Variants in FCRL6 observed in about 807,000 individuals in gnomAD.
FCRL6 encodes Fc receptor like 6.
In FCRL6, 50 loss-of-function variants were observed where a neutral mutation model predicts 49.1. The observed-to-expected ratio is 1.02, with a 90% CI of 0.81 to 1.29. The LOEUF is 1.29. Among genes scored for constraint, FCRL6 ranks in the 50% most tolerant of loss-of-function variants. FCRL6 has a pLI of 0.00. For missense variants in FCRL6, 571 were observed against 518.5 expected (o/e 1.10, Z -0.98); for synonymous variants, 213 against 199.6 (o/e 1.07, Z -0.57).
In FCRL6 at chr1:159,810,092, A is replaced by G; in HGVS notation, c.887-2A>G. The stretch of plus-strand genomic sequence containing the variant: ...TGGCCACCTTCTTCTCCCTGCTCCC[A>G]GGTTCTCAAGTCTTGTTCACTCCCG... On this transcript the variant is annotated splice_acceptor_variant, in intron 5 of 9. Transcript: ENST00000368106. LOFTEE classifies it high-confidence loss of function. 3.7e-6 allele frequency: 6 copies of G among 1,610,382 alleles called. No individual in the cohort carries two copies. Among genetic ancestry groups the G allele is most frequent in the Non-Finnish European group, 5.1e-6 (6 of 1,178,768 alleles).
intron 6 of FCRL6, 53 bp downstream of exon 6, chr1:159,810,269 G>T: frequency 6.4e-7 from 1 of 1,563,834 alleles, no homozygotes; most frequent in Non-Finnish European, 8.7e-7. Flanking sequence ...GCCAGGCCCT[G>T]CCCAGACTTT....
At chr1:159,800,608 C>A, upstream of FCRL6, 1 of 1,550,158 alleles carries the variant, frequency 6.5e-7, no homozygotes, top group Non-Finnish European at 8.7e-7. Context: ...ATGTTGCCAT[C>A]TTTAGGTGAG....
Position 159,808,786 on chromosome 1 carries a change from G to T in FCRL6, c.320-175G>T, listed in dbSNP as rs1037152637. 9 of 663,756 alleles carry T rather than the reference G, an allele frequency of 1.4e-5. No individual in the cohort carries two copies. In the Admixed American group the frequency reaches 2.7e-4, roughly 20 times the overall value. The allele number at this position is 663,756 out of a possible 1,614,324, so 41.1% of individuals were successfully genotyped here. Reference sequence around the variant, plus strand: ...AGATTCCAGAAGGGCCTGGCTATGTGGGAGTCATTTCAGAGTTTGTGGGTG... The same window carrying T: ...AGATTCCAGAAGGGCCTGGCTATGTTGGAGTCATTTCAGAGTTTGTGGGTG... On this transcript the variant is annotated intron_variant, in intron 3 of 9. Coordinates refer to ENST00000368106, the MANE Select transcript of FCRL6 (RefSeq NM_001004310.3).
At chr1:159,808,733 C>T (rs6692290) in intron 3 of FCRL6, 126,579 of 605,906 alleles carry the variant, frequency 0.21, 15,522 homozygotes, top group African/African-American at 0.46. Flanking sequence ...TAGAGGACTT[C>T]GAAGGCCCCC....
chr1:159,805,556 G>T (rs1323109283), intron 1 of FCRL6, among the ~76,000 whole-genome samples: 1 of 152,118 alleles, frequency 6.6e-6, no homozygotes, highest in Non-Finnish European at 1.5e-5. Context: ...GTCTTCCATT[G>T]TTTGGGCTAT....
chr1:159,804,838 G>A (rs1662575177), intron 1 of FCRL6, among the ~76,000 whole-genome samples: 1 of 152,198 alleles, frequency 6.6e-6, no homozygotes, highest in African/African-American at 2.4e-5. Flanking sequence ...GTGGGGAAGG[G>A]AAGGAAGACA....
At chr1:159,810,753 A>G (rs1453361306) in intron 6 of FCRL6, among the ~76,000 whole-genome samples, 4 of 152,202 alleles carry the variant, frequency 2.6e-5, no homozygotes, top group African/African-American at 9.7e-5. Context: ...ATCAGAAAGG[A>G]AATATGATAG....
intron 1 of FCRL6, 113 bp from the exon 2 acceptor site, chr1:159,806,483 G>T: frequency 1.1e-6 from 1 of 911,638 alleles, no homozygotes; most frequent in South Asian, 1.3e-5. Context: ...GAGGTTTGGT[G>T]GCCGGGTGGT....
chr1:159,810,226 T>C lies in FCRL6; in HGVS notation c.1009+10T>C, dbSNP rs1663013880. 6.2e-7 allele frequency: 1 copy of C among 1,608,328 alleles called. No homozygotes were observed. Among genetic ancestry groups the C allele is most frequent in the South Asian group, 1.1e-5 (1 of 90,276 alleles). The stretch of plus-strand genomic sequence containing the variant: ...TCCTGGAGAAAAGCTGGTCAGTAAC[T>C]CCTCTTGGCTTTCTTAGCTGCTGAA... On this transcript the variant is annotated intron_variant, in intron 6 of 9. Coordinates refer to ENST00000368106, the MANE Select transcript of FCRL6 (RefSeq NM_001004310.3).
At chr1:159,808,673 C>T (rs1378768395) in intron 3 of FCRL6, 6 of 624,694 alleles carry the variant, frequency 9.6e-6, no homozygotes, top group Non-Finnish European at 1.4e-5. Flanking sequence ...GGGAAGGGGG[C>T]ACTGGGAAGA....
chr1:159,813,334 A>G (rs534731758), intron 6 of FCRL6, among the ~76,000 whole-genome samples, 155 bp from the exon 7 acceptor site: 1 of 152,290 alleles, frequency 6.6e-6, no homozygotes, highest in African/African-American at 2.4e-5. Context: ...TCCCATAAAA[A>G]TCAACCATGT....
rs771282595 is a variant in FCRL6, at chr1:159,810,089, C to T, written c.887-5C>T. 5 of 1,610,134 alleles carry T rather than the reference C, an allele frequency of 3.1e-6. No individual in the cohort carries two copies. The East Asian group carries it at 6.7e-5, about 22-fold the overall frequency. ...TCATGGCCACCTTCTTCTCCCTGCT[C>T]CCAGGTTCTCAAGTCTTGTTCACTC... On this transcript the variant is annotated splice_polypyrimidine_tract_variant and splice_region_variant and intron_variant, in intron 5 of 9. Coordinates refer to ENST00000368106, the MANE Select transcript of FCRL6 (RefSeq NM_001004310.3).
chr1:159,814,690 C>A (rs1663288055), intron 8 of FCRL6, among the ~76,000 whole-genome samples: 1 of 152,200 alleles, frequency 6.6e-6, no homozygotes, highest in African/African-American at 2.4e-5. Flanking sequence ...TTCCTTTGCT[C>A]CAGAGTCTAA....
intron 4 of FCRL6, 26 bp from the exon 5 acceptor site, chr1:159,809,376 A>G: frequency 6.4e-7 from 1 of 1,562,958 alleles, no homozygotes; most frequent in Non-Finnish European, 8.7e-7. Flanking sequence ...GGTCAGGCTG[A>G]GCCTCCCACC....
intron 4 of FCRL6, 76 bp downstream of exon 4, chr1:159,809,321 T>C (rs138873532): frequency 4.0e-4 from 615 of 1,525,908 alleles, no homozygotes; most frequent in African/African-American, 4.0e-3. Context: ...ACTAAAGGAG[T>C]TGGGGGAAGG....
At chr1:159,808,684 C>T (rs1032061282) in intron 3 of FCRL6, 9 of 617,038 alleles carry the variant, frequency 1.5e-5, no homozygotes, top group Non-Finnish European at 2.6e-5. Context: ...ACTGGGAAGA[C>T]CCTGGACCAG....
chr1:159,812,861 A>G (rs1450713866), intron 6 of FCRL6, among the ~76,000 whole-genome samples: 3 of 152,198 alleles, frequency 2.0e-5, no homozygotes, highest in African/African-American at 7.2e-5. Flanking sequence ...AAAGTTCTGG[A>G]AGCACCTGCT....
In FCRL6 at chr1:159,814,269, A is replaced by G. The variant is rs140546327; in HGVS notation, c.1124A>G (p.His375Arg). The G allele has an allele frequency of 3.1e-6, 5 of 1,614,110 alleles. No individual in the cohort carries two copies. The highest frequency in any genetic ancestry group is 3.4e-6 in the Non-Finnish European group (4 of 1,180,028). The change falls in exon 8 of 10, where the codon CAT becomes CGT. Residue 375 changes from histidine to arginine, a missense_variant. Coordinates refer to ENST00000368106, the MANE Select transcript of FCRL6 (RefSeq NM_001004310.3). ...KDEGVVYSVV[H>R]RTSKRSEARS... ...GAAGGTGTTGTCTACTCTGTGGTGC[A>G]TAGAACCTCAAAGAGGAGTGAAGGT...
chr1:159,814,370 T>C (rs61823160), intron 8 of FCRL6, 78 bp downstream of exon 8: 111,716 of 999,290 alleles, frequency 0.11, 7,335 homozygotes, highest in Non-Finnish European at 0.14. Flanking sequence ...ACTACCACTG[T>C]CATTACCACT....
Sources: allele counts gnomAD v4.1 joint callset (sites outside exome capture counted in the v4.1 genomes callset), GRCh38; gene constraint gnomAD v4.1.1; transcripts MANE v1.5; gene names NCBI Gene and HGNC (gene_info 2026-07-23, HGNC 2026-07-21).